SPOCK3: variants seen among roughly 807,000 people sequenced by gnomAD.
SPOCK3 encodes SPARC (osteonectin), cwcv and kazal like domains proteoglycan 3.
Under a neutral mutation model 56.6 loss-of-function variants are expected in SPOCK3, and 30 were observed. The ratio of observed to expected loss-of-function variants is 0.53; its 90% CI spans 0.40 to 0.72. The LOEUF (loss-of-function observed/expected upper bound fraction) is 0.72, where lower values mean the gene tolerates loss of function less well. Ranked by LOEUF, SPOCK3 falls within the 30% of genes least tolerant of loss-of-function variation. The probability of loss-of-function intolerance (pLI) is 0.00; values close to 1 mark genes in which losing one functional copy is unlikely to be tolerated. For missense variants in SPOCK3, 527 were observed against 530.0 expected (o/e 0.99, Z 0.06); for synonymous variants, 196 against 183.3 (o/e 1.07, Z -0.56).
At chr4:166,803,067 C>T (rs899972886) in intron 6 of SPOCK3, among the ~76,000 whole-genome samples, 1 of 152,096 alleles carries the variant, frequency 6.6e-6, no homozygotes, top group African/African-American at 2.4e-5. Flanking sequence ...CACATGAGCA[C>T]ACATGCACAT....
chr4:166,984,633 G>A (rs1746941333), intron 4 of SPOCK3, among the ~76,000 whole-genome samples: 1 of 152,000 alleles, frequency 6.6e-6, no homozygotes, highest in Admixed American at 6.6e-5. Context: ...CACAACAGCA[G>A]AAACTGAATA....
chr4:167,216,127 A>G (rs1236475194), intron 2 of SPOCK3, among the ~76,000 whole-genome samples: 2 of 152,112 alleles, frequency 1.3e-5, no homozygotes, highest in Non-Finnish European at 2.9e-5. Context: ...CCCTCCAAGT[A>G]TATGTTACAA....
At chr4:166,879,545 G>A (rs1733475100) in intron 6 of SPOCK3, among the ~76,000 whole-genome samples, 1 of 152,080 alleles carries the variant, frequency 6.6e-6, no homozygotes, top group Admixed American at 6.6e-5. Context: ...TACATATTTT[G>A]AGAACTAAAT....
chr4:166,768,285 G>A (rs567630649), intron 7 of SPOCK3, among the ~76,000 whole-genome samples: 48 of 152,022 alleles, frequency 3.2e-4, no homozygotes, highest in African/African-American at 1.1e-3. Flanking sequence ...TCCTAGCCTC[G>A]ATGGTCTTTA....
At chr4:166,930,573 A>G (rs1235466957) in intron 4 of SPOCK3, among the ~76,000 whole-genome samples, 1 of 152,170 alleles carries the variant, frequency 6.6e-6, no homozygotes, top group Non-Finnish European at 1.5e-5. Context: ...GAAAAAAGCA[A>G]CCTTTCATGA....
In SPOCK3 at chr4:166,894,718, G is replaced by A. The variant is rs151296808; in HGVS notation, c.475-5474C>T. Among the ~76,000 whole-genome samples the A allele has an allele frequency of 2.5e-3, 374 of 152,094 alleles. 2 individuals carry two copies. The highest frequency in any genetic ancestry group is 8.2e-3 in the African/African-American group (340 of 41,522). ...GATTAACTGACCAAGGAGAACTTCC[G>A]GGAAAAAAAGTAACAAAACCATACC... On this transcript the variant is annotated intron_variant, in intron 5 of 10. Transcript: ENST00000357545.
At chr4:166,774,850 T>G (rs1579191170) in intron 7 of SPOCK3, among the ~76,000 whole-genome samples, 1 of 152,162 alleles carries the variant, frequency 6.6e-6, no homozygotes, top group East Asian at 1.9e-4. Flanking sequence ...GAAACCTTCT[T>G]CACAAATTCT....
intron 4 of SPOCK3, among the ~76,000 whole-genome samples, chr4:166,954,008 G>C (rs1313983146): frequency 6.6e-6 from 1 of 151,958 alleles, no homozygotes; most frequent in African/African-American, 2.4e-5. Context: ...TGGGTGCAGT[G>C]CACTAGCATG....
chr4:167,024,630 C>A (rs997560982), intron 3 of SPOCK3, among the ~76,000 whole-genome samples: 3 of 151,810 alleles, frequency 2.0e-5, no homozygotes, highest in African/African-American at 7.3e-5. Flanking sequence ...TGTCAGTAAC[C>A]CCTCAAATAA....
At chr4:166,736,558 T>C (rs1390169608) in intron 10 of SPOCK3, among the ~76,000 whole-genome samples, 1 of 152,162 alleles carries the variant, frequency 6.6e-6, no homozygotes, top group Non-Finnish European at 1.5e-5. Flanking sequence ...TTATTGTTTA[T>C]CTTTTTTTAA....
chr4:166,939,031 A>T (rs1740773690), intron 4 of SPOCK3, among the ~76,000 whole-genome samples: 1 of 152,044 alleles, frequency 6.6e-6, no homozygotes, highest in Admixed American at 6.6e-5. Flanking sequence ...ATATGTTTGT[A>T]CGTATTATAA....
In SPOCK3 at chr4:167,116,598, A is replaced by ATATATACTATATACGTATATATATATACG. The variant is rs1554038916; in HGVS notation, c.190-54062_190-54061insCGTATATATATATACGTATATAGTATATA. The stretch of plus-strand genomic sequence containing the variant: ...CATATATAGTTTTGTATATATATAC[A>ATATATACTATATACGTATATATATATACG]TATATACTATATACGTATATATATA... On this transcript the variant is annotated intron_variant, in intron 2 of 10. Transcript: ENST00000357545. 3.5e-3 allele frequency among the ~76,000 whole-genome samples: 318 copies of ATATATACTATATACGTATATATATATACG among 89,818 alleles called. 2 individuals carry two copies. The highest frequency in any genetic ancestry group is 5.8e-3 in the Non-Finnish European group (271 of 47,112). 58.9% of individuals were successfully genotyped at this position (89,818 alleles called of 152,430 possible).
At chr4:166,888,045 T>C (rs1257046714) in intron 6 of SPOCK3, among the ~76,000 whole-genome samples, 2 of 152,070 alleles carry the variant, frequency 1.3e-5, no homozygotes, top group Non-Finnish European at 2.9e-5. Flanking sequence ...CATTTAGTTT[T>C]ATTTTGTTTT....
At chr4:166,833,196 A>G (rs1004188657) in intron 6 of SPOCK3, among the ~76,000 whole-genome samples, 1 of 152,196 alleles carries the variant, frequency 6.6e-6, no homozygotes, top group African/African-American at 2.4e-5. Context: ...TTTTAGTTCA[A>G]TTATATTTTT....
intron 4 of SPOCK3, among the ~76,000 whole-genome samples, chr4:166,916,500 C>T (rs981464097): frequency 1.3e-5 from 2 of 152,142 alleles, no homozygotes; most frequent in African/African-American, 2.4e-5. Flanking sequence ...ATTGCTGCTA[C>T]ATTCATTTAC....
At chr4:166,800,077 G>C (rs942508231) in intron 6 of SPOCK3, among the ~76,000 whole-genome samples, 1 of 151,032 alleles carries the variant, frequency 6.6e-6, no homozygotes, top group Non-Finnish European at 1.5e-5. Flanking sequence ...AGCTGCTCAG[G>C]AGGCTGAGGC....
chr4:166,906,915 T>C (rs1276860704), intron 5 of SPOCK3, among the ~76,000 whole-genome samples: 1 of 152,070 alleles, frequency 6.6e-6, no homozygotes, highest in Non-Finnish European at 1.5e-5. Context: ...TGAGTAACAC[T>C]GGTCAAATGA....
intron 4 of SPOCK3, among the ~76,000 whole-genome samples, chr4:166,951,646 C>A (rs1742637365): frequency 7.3e-6 from 1 of 136,558 alleles, no homozygotes; most frequent in African/African-American, 3.1e-5. Flanking sequence ...GAATTTTAGA[C>A]CAATATCCTT....
chr4:166,830,457 C>T (rs1417628369), intron 6 of SPOCK3, among the ~76,000 whole-genome samples: 3 of 152,024 alleles, frequency 2.0e-5, no homozygotes, highest in African/African-American at 7.3e-5. Context: ...TATTAAGATT[C>T]GACAAGTGCA....
Sources: gnomAD v4.1 joint callset for allele counts (sites outside exome capture counted in the v4.1 genomes callset) on GRCh38, gnomAD v4.1.1 for gene constraint, MANE v1.5 for transcripts, NCBI Gene and HGNC (gene_info 2026-07-23, HGNC 2026-07-21) for gene names.